Variants in RNF130 observed in about 807,000 individuals in gnomAD.
RNF130 encodes the protein E3 ubiquitin-protein ligase RNF130.
RNF130 carries 21 observed loss-of-function variants against 44.6 expected under a neutral mutation model. The ratio of observed to expected loss-of-function variants is 0.47; its 90% CI spans 0.33 to 0.68. The LOEUF is 0.68. Ranked by LOEUF, RNF130 falls within the 30% of genes least tolerant of loss-of-function variation. RNF130 has a pLI of 0.02. For synonymous variants in RNF130, 214 were observed against 210.4 expected, an observed-to-expected ratio of 1.02 and a Z score of -0.15; for missense variants, 479 against 560.6, an observed-to-expected ratio of 0.85 and a Z score of 1.47.
intron 3 of RNF130, among the ~76,000 whole-genome samples, chr5:179,997,412 C>T (rs1237773445): frequency 2.0e-5 from 3 of 152,240 alleles, no homozygotes; most frequent in South Asian, 2.1e-4. Flanking sequence ...CAACCTCCGC[C>T]TCCCAGGTTC....
chr5:180,064,361 A>G (rs1765050650), intron 1 of RNF130, among the ~76,000 whole-genome samples: 1 of 152,186 alleles, frequency 6.6e-6, no homozygotes, highest in African/African-American at 2.4e-5. Flanking sequence ...CATCTATGAA[A>G]AAAGCAAATT....
rs147308748 is a variant in RNF130 at position 179,923,823 on chromosome 5, C to A, written c.1151-3397G>T. On this transcript the variant is annotated intron_variant, in intron 7 of 7. Transcript: ENST00000522208. ...TAAATTTAGTTTCCCTAAAGTTTTTCTTTTAACAACACTAACACCATATTG... is the reference window on the plus strand; with the variant it reads ...TAAATTTAGTTTCCCTAAAGTTTTTATTTTAACAACACTAACACCATATTG... Among the ~76,000 whole-genome samples, 14 of 152,312 alleles carry A rather than the reference C, an allele frequency of 9.2e-5. No individual in the cohort carries two copies. The East Asian group carries it at 2.3e-3, about 25-fold the overall frequency.
intron 2 of RNF130, among the ~76,000 whole-genome samples, chr5:180,022,698 T>C (rs894558391): frequency 6.6e-6 from 1 of 152,134 alleles, no homozygotes; most frequent in Non-Finnish European, 1.5e-5. Context: ...CGTCTCCACT[T>C]AAGCCACGTC....
chr5:179,994,380 T>C (rs1763156658), intron 3 of RNF130, among the ~76,000 whole-genome samples: 1 of 152,236 alleles, frequency 6.6e-6, no homozygotes, highest in Admixed American at 6.5e-5. Flanking sequence ...TGTCCTCTTT[T>C]ATTTCGTTGA....
chr5:179,929,066 A>G (rs891491638), intron 7 of RNF130, among the ~76,000 whole-genome samples: 2 of 152,194 alleles, frequency 1.3e-5, no homozygotes, highest in Non-Finnish European at 2.9e-5. Context: ...ATGACATTTT[A>G]TCTTATTTTT....
chr5:180,001,275 G>A (rs1763330606), intron 3 of RNF130, among the ~76,000 whole-genome samples: 1 of 152,146 alleles, frequency 6.6e-6, no homozygotes, highest in Non-Finnish European at 1.5e-5. Flanking sequence ...TAGCCAAAGT[G>A]ATCCCTCTTG....
At chr5:180,025,207 TCCA>T (rs750594867) in intron 2 of RNF130, among the ~76,000 whole-genome samples, 3 of 152,170 alleles carry the variant, frequency 2.0e-5, no homozygotes, top group Non-Finnish European at 4.4e-5. Flanking sequence ...AGATCCTAAC[TCCA>T]AGGTCAGGTC....
exon 8 of RNF130, chr5:179,918,338 T>A (rs1036508132): frequency 1.3e-5 from 2 of 152,200 alleles, no homozygotes; most frequent in African/African-American, 4.8e-5. Context: ...ACCTTTTCAG[T>A]AAAGAAACTG....
chr5:179,913,361 T>A (rs1415732201), exon 8 of RNF130: 2 of 152,044 alleles, frequency 1.3e-5, no homozygotes, highest in Non-Finnish European at 2.9e-5. Context: ...AAGGTGCTTT[T>A]TTTTTTTTCT....
Position 179,970,643 on chromosome 5 carries a change from T to C in RNF130, c.849-137A>G, listed in dbSNP as rs1359870081. The C allele has an allele frequency of 2.3e-5, 15 of 652,846 alleles. No homozygotes were observed. In the Admixed American group the frequency reaches 4.1e-4, roughly 18 times the overall value. 40.4% of individuals were successfully genotyped at this position (652,846 alleles called of 1,614,324 possible). A position where few individuals can be genotyped will look rare whatever the true frequency, so the allele number is the denominator to read the frequency against. On this transcript the variant is annotated intron_variant, in intron 5 of 8. Coordinates refer to ENST00000521389, the MANE Select transcript of RNF130 (RefSeq NM_018434.6). ...TATTTTAAGCCCCAAGAGACAAATA[T>C]TGGGAATTTATTAAAATATAACTTG...
exon 8 of RNF130, chr5:179,919,462 A>T (rs886903331): frequency 1.3e-5 from 2 of 152,480 alleles, no homozygotes; most frequent in Non-Finnish European, 2.9e-5. Flanking sequence ...TCTGTCTTTC[A>T]CAACTGCTGG....
At chr5:180,069,860 T>C (rs1156608024) in intron 1 of RNF130, among the ~76,000 whole-genome samples, 1 of 152,202 alleles carries the variant, frequency 6.6e-6, no homozygotes, top group African/African-American at 2.4e-5. Flanking sequence ...AATACCCTTC[T>C]ACAGAAACAC....
chr5:180,032,038 GC>G (rs1764141594), intron 2 of RNF130, among the ~76,000 whole-genome samples: 1 of 152,054 alleles, frequency 6.6e-6, no homozygotes, highest in African/African-American at 2.4e-5. Context: ...TAAACCTTTT[GC>G]CCGTTGTAAA....
At chr5:179,935,603 A>G (rs1761878650) in intron 7 of RNF130, among the ~76,000 whole-genome samples, 1 of 151,946 alleles carries the variant, frequency 6.6e-6, no homozygotes, top group Non-Finnish European at 1.5e-5. Flanking sequence ...TTGGGACTTA[A>G]ATCCATAATT....
At chr5:180,030,317 T>C (rs1764105531) in intron 2 of RNF130, among the ~76,000 whole-genome samples, 1 of 152,208 alleles carries the variant, frequency 6.6e-6, no homozygotes, top group Non-Finnish European at 1.5e-5. Context: ...TTAAGAATCT[T>C]GTATTTGTGT....
intron 2 of RNF130, among the ~76,000 whole-genome samples, chr5:180,023,557 A>G (rs1396645326): frequency 6.6e-6 from 1 of 152,222 alleles, no homozygotes. Flanking sequence ...AAAAACAAAA[A>G]TCCAACACCC....
At chr5:179,954,269 A>C (rs145121377), downstream of RNF130, among the ~76,000 whole-genome samples, 32 of 152,352 alleles carry the variant, frequency 2.1e-4, no homozygotes, top group African/African-American at 7.2e-4. Context: ...AACTGAAAAT[A>C]TATGTTCAGG....
chr5:180,055,885 A>T (rs529456787), intron 1 of RNF130, among the ~76,000 whole-genome samples: 1 of 152,132 alleles, frequency 6.6e-6, no homozygotes, highest in East Asian at 1.9e-4. Context: ...GGAGTTCAAG[A>T]CCACCCTGGC....
At chr5:179,998,162 G>A (rs1017060777) in intron 3 of RNF130, among the ~76,000 whole-genome samples, 1 of 152,196 alleles carries the variant, frequency 6.6e-6, no homozygotes, top group South Asian at 2.1e-4. Flanking sequence ...ATAGTTCCTT[G>A]AGATGCTTCA....
Sources: allele counts gnomAD v4.1 joint callset (sites outside exome capture counted in the v4.1 genomes callset), GRCh38; gene constraint gnomAD v4.1.1; transcripts MANE v1.5; gene names NCBI Gene and HGNC (gene_info 2026-07-23, HGNC 2026-07-21).